NGEF: variants seen among roughly 807,000 people sequenced by gnomAD.
NGEF encodes ephexin-1.
Under a neutral mutation model 80.9 loss-of-function variants are expected in NGEF, and 31 were observed. The observed-to-expected ratio is 0.38, with a 90% confidence interval of 0.29 to 0.52. The LOEUF is 0.52. Among genes scored for constraint, NGEF ranks in the 20% least tolerant of loss-of-function variants. The pLI, the probability that NGEF is intolerant of heterozygous loss-of-function variation, is 0.84. For synonymous variants in NGEF, 371 were observed against 370.2 expected, an observed-to-expected ratio of 1.00 and a Z score of -0.03; for missense variants, 709 against 926.2, an observed-to-expected ratio of 0.77 and a Z score of 3.04.
intron 5 of NGEF, among the ~76,000 whole-genome samples, chr2:232,904,354 G>A (rs568560306): frequency 6.6e-5 from 10 of 151,886 alleles, no homozygotes; most frequent in South Asian, 2.1e-4. Flanking sequence ...TCAGCCTCCC[G>A]AGTAGCTGGA....
chr2:232,996,816 T>G (rs1040788560), intron 1 of NGEF, among the ~76,000 whole-genome samples: 2 of 146,540 alleles, frequency 1.4e-5, no homozygotes, highest in Non-Finnish European at 2.9e-5. Flanking sequence ...TTCTTATGGT[T>G]AAAAGATTTT....
At chr2:232,982,117 C>T (rs1356743902) in intron 1 of NGEF, among the ~76,000 whole-genome samples, 2 of 152,202 alleles carry the variant, frequency 1.3e-5, no homozygotes, top group Non-Finnish European at 2.9e-5. Flanking sequence ...CCTTGGATTT[C>T]AGCTTCAGCC....
At chr2:232,939,694 T>C (rs1174043682) in intron 3 of NGEF, among the ~76,000 whole-genome samples, 1 of 152,126 alleles carries the variant, frequency 6.6e-6, no homozygotes, top group East Asian at 1.9e-4. Flanking sequence ...CCAGTACTAA[T>C]TATTCAAGAA....
At chr2:232,926,687 G>A (rs1422730972) in intron 4 of NGEF, among the ~76,000 whole-genome samples, 1 of 152,132 alleles carries the variant, frequency 6.6e-6, no homozygotes, top group Non-Finnish European at 1.5e-5. Context: ...TCCTTGATGG[G>A]GGATAGTGGA....
At chr2:232,919,344 C>G (rs1039122390) in intron 5 of NGEF, among the ~76,000 whole-genome samples, 1 of 152,016 alleles carries the variant, frequency 6.6e-6, no homozygotes, top group Non-Finnish European at 1.5e-5. Flanking sequence ...TGGACAAGCG[C>G]GAGGAATGCA....
intron 12 of NGEF, 28 bp from the exon 13 acceptor site, chr2:232,882,293 A>T (rs751157571): frequency 6.3e-7 from 1 of 1,598,992 alleles, no homozygotes; most frequent in Non-Finnish European, 8.6e-7. Flanking sequence ...ACAGTGCCCC[A>T]ACTGCAGATC....
At chr2:232,952,464 T>C (rs1693696329) in intron 3 of NGEF, among the ~76,000 whole-genome samples, 1 of 152,222 alleles carries the variant, frequency 6.6e-6, no homozygotes, top group South Asian at 2.1e-4. Flanking sequence ...CCAGTAGATG[T>C]GAGTTCCAGG....
intron 4 of NGEF, among the ~76,000 whole-genome samples, chr2:232,926,505 A>G (rs556761483): frequency 6.6e-6 from 1 of 152,214 alleles, no homozygotes; most frequent in East Asian, 1.9e-4. Context: ...TTCCTAAGCC[A>G]AGGGCCTCTG....
At chr2:232,904,244 C>G (rs1158776550) in intron 5 of NGEF, among the ~76,000 whole-genome samples, 1 of 152,162 alleles carries the variant, frequency 6.6e-6, no homozygotes, top group Non-Finnish European at 1.5e-5. Context: ...TGGAGAGCCT[C>G]ACATCATTCC....
At chr2:232,948,946 A>C (rs970223748) in intron 3 of NGEF, among the ~76,000 whole-genome samples, 1 of 152,148 alleles carries the variant, frequency 6.6e-6, no homozygotes, top group East Asian at 1.9e-4. Context: ...TGAATCCAGG[A>C]GGCAGAGGTT....
intron 5 of NGEF, among the ~76,000 whole-genome samples, chr2:232,906,130 C>A: frequency 1.2e-5 from 1 of 85,442 alleles, no homozygotes; most frequent in African/African-American, 4.0e-5. Flanking sequence ...GGGGTCTCAG[C>A]CCCCCGCCCG....
intron 12 of NGEF, 48 bp from the exon 13 acceptor site, chr2:232,882,313 C>A (rs773554150): frequency 1.3e-6 from 2 of 1,539,108 alleles, no homozygotes; most frequent in Non-Finnish European, 1.8e-6. Context: ...CAACGGCAGC[C>A]CCCCAACGTG....
chr2:232,884,020 A>G lies in NGEF; in HGVS notation c.1562T>C (p.Leu521Pro). The change falls in exon 11 of 15, where the codon CTG becomes CCG. Residue 521 changes from leucine to proline, a missense_variant. Physicochemically the swap from Leu to Pro is moderately conservative, Grantham distance 98 (BLOSUM62 -3). Transcript: ENST00000264051. ...GCAGATCACCAGCAGGTCGTTGAAC[A>G]GGAAGAGGTAAATTTCGTGGAAGAG... ...KKLFHEIYLF[L>P]FNDLLVICRQ... 1 of 1,612,278 alleles carries G rather than the reference A, an allele frequency of 6.2e-7. No homozygotes were observed. Among genetic ancestry groups the G allele is most frequent in the South Asian group, 1.1e-5 (1 of 90,702 alleles).
intron 1 of NGEF, among the ~76,000 whole-genome samples, chr2:232,994,875 T>A (rs989393383): frequency 1.1e-4 from 16 of 151,652 alleles, no homozygotes; most frequent in Non-Finnish European, 2.2e-4. Context: ...CATATACATA[T>A]ATGGATATAT....
chr2:232,980,020 GGCAGGGGTCACACTACA>G (rs1553557567), intron 1 of NGEF, among the ~76,000 whole-genome samples: 1 of 152,132 alleles, frequency 6.6e-6, no homozygotes, highest in Non-Finnish European at 1.5e-5. Flanking sequence ...CAAATGGTGC[GGCAGGGGTCACACTACA>G]GCTATCTGAC....
At chr2:232,995,618 C>CTGTATATATATATACA in intron 1 of NGEF, among the ~76,000 whole-genome samples, 1 of 66,872 alleles carries the variant, frequency 1.5e-5, no homozygotes. Flanking sequence ...AGTATGTATA[C>CTGTATATATATATACA]GTATGTATAC....
intron 3 of NGEF, among the ~76,000 whole-genome samples, chr2:232,958,891 A>G (rs1693889028): frequency 6.6e-6 from 1 of 152,006 alleles, no homozygotes; most frequent in Non-Finnish European, 1.5e-5. Context: ...ACTCCTCCCC[A>G]GGCCTGGATT....
intron 3 of NGEF, chr2:232,969,959 G>T: frequency 4.5e-6 from 1 of 220,522 alleles, no homozygotes; most frequent in Non-Finnish European, 8.8e-6. Flanking sequence ...GAGCCCAGGA[G>T]TTTGAGGCCA....
chr2:232,994,904 C>T (rs35037931), intron 1 of NGEF, among the ~76,000 whole-genome samples: 64,284 of 149,740 alleles, frequency 0.43, 15,397 homozygotes, highest in East Asian at 0.92. Flanking sequence ...ATAATACATA[C>T]ATACACATGT....
Sources: allele counts gnomAD v4.1 joint callset (sites outside exome capture counted in the v4.1 genomes callset), GRCh38; gene constraint gnomAD v4.1.1; transcripts MANE v1.5; gene names NCBI Gene and HGNC (gene_info 2026-07-23, HGNC 2026-07-21).